CPA6: variants seen among roughly 807,000 people sequenced by gnomAD.
CPA6 encodes carboxypeptidase A6.
CPA6 carries 58 observed loss-of-function variants against 63.3 expected under a neutral mutation model. The ratio of observed to expected loss-of-function variants is 0.92; its 90% CI spans 0.74 to 1.14. The LOEUF (loss-of-function observed/expected upper bound fraction) is 1.14, where lower values mean the gene tolerates loss of function less well. Ranked by LOEUF, CPA6 falls within the 50% of genes most tolerant of loss-of-function variation. The pLI, the probability that CPA6 is intolerant of heterozygous loss-of-function variation, is 0.00. For synonymous variants in CPA6, 185 were observed against 179.0 expected, an observed-to-expected ratio of 1.03 and a Z score of -0.27; for missense variants, 565 against 526.6, an observed-to-expected ratio of 1.07 and a Z score of -0.71.
rs80256215 is a variant in CPA6 at position 67,453,474 on chromosome 8, T to A, written c.839-19234A>T. 5.7e-3 allele frequency among the ~76,000 whole-genome samples: 868 copies of A among 152,268 alleles called. 8 individuals carry two copies. The highest frequency in any genetic ancestry group is 0.02 in the African/African-American group (815 of 41,546). On this transcript the variant is annotated intron_variant, in intron 8 of 10. Transcript: ENST00000297770. ...ATTTTGAGTTGAGATGTCTATTAGA[T>A]ACCCCCAGTGAAGATGCTAATAGAT...
chr8:67,600,714 T>G (rs183916634), intron 2 of CPA6, among the ~76,000 whole-genome samples: 1 of 152,292 alleles, frequency 6.6e-6, no homozygotes, highest in Non-Finnish European at 1.5e-5. Flanking sequence ...AGGGTACAAG[T>G]GAGAGGCAGT....
At position 67,704,573 on chromosome 8, in the gene CPA6, T is replaced by C. The variant is rs528319440; in HGVS notation, c.116+41441A>G. ...GGACAGATTACCATTAGAACAGAGA[T>C]GAAGGCAAGGTTAGGGGTACCTGGT... On this transcript the variant is annotated intron_variant, in intron 1 of 10. Transcript: ENST00000297770. Among the ~76,000 whole-genome samples, 5 of 152,248 alleles carry C rather than the reference T, an allele frequency of 3.3e-5. No homozygotes were observed. The East Asian group carries it at 9.7e-4, about 29-fold the overall frequency.
At chr8:67,615,054 T>TA (rs1814910091) in intron 2 of CPA6, among the ~76,000 whole-genome samples, 1 of 152,222 alleles carries the variant, frequency 6.6e-6, no homozygotes, top group Non-Finnish European at 1.5e-5. Context: ...TACTCGTTTA[T>TA]AAGGTTGTGC....
chr8:67,524,466 G>C (rs922989291), intron 2 of CPA6, among the ~76,000 whole-genome samples: 3 of 152,108 alleles, frequency 2.0e-5, no homozygotes, highest in African/African-American at 4.8e-5. Flanking sequence ...TCTAGCTTCT[G>C]GTGGCTCTAG....
At chr8:67,505,279 G>A (rs181069842) in intron 6 of CPA6, among the ~76,000 whole-genome samples, 148 of 152,328 alleles carry the variant, frequency 9.7e-4, no homozygotes, top group African/African-American at 3.4e-3. Context: ...TGTTCTACAT[G>A]TTGGGATTTA....
intron 2 of CPA6, among the ~76,000 whole-genome samples, chr8:67,602,535 C>T (rs1814522273): frequency 6.6e-6 from 1 of 152,086 alleles, no homozygotes; most frequent in South Asian, 2.1e-4. Context: ...GAATGAAGCA[C>T]CCTAAATGTT....
intron 1 of CPA6, among the ~76,000 whole-genome samples, chr8:67,672,522 C>A (rs750742644): frequency 2.0e-5 from 3 of 152,156 alleles, no homozygotes; most frequent in Non-Finnish European, 4.4e-5. Flanking sequence ...ATCATCGAGT[C>A]CTTTTACTCC....
At chr8:67,611,440 C>T (rs902610725) in intron 2 of CPA6, among the ~76,000 whole-genome samples, 3 of 152,112 alleles carry the variant, frequency 2.0e-5, no homozygotes, top group African/African-American at 4.8e-5. Context: ...TTAGGGACAA[C>T]GAGAACCTTA....
chr8:67,595,898 C>T lies in CPA6; in HGVS notation c.192+28278G>A, dbSNP rs544970906. Among the ~76,000 whole-genome samples, 7 of 152,300 alleles carry T rather than the reference C, an allele frequency of 4.6e-5. No homozygotes were observed. In the South Asian group the frequency reaches 1.0e-3, roughly 23 times the overall value. On this transcript the variant is annotated intron_variant, in intron 2 of 10. Transcript: ENST00000297770. The stretch of plus-strand genomic sequence containing the variant: ...ACAGTGTGCTGCACCCACTGTCCTG[C>T]GCCCACTGTCTGGCACTCCCCAGTG...
intron 1 of CPA6, among the ~76,000 whole-genome samples, chr8:67,736,938 C>T (rs1817823589): frequency 1.3e-5 from 2 of 152,104 alleles, no homozygotes; most frequent in East Asian, 1.9e-4. Flanking sequence ...TAGTTGGTTC[C>T]CTCTTTTTTC....
chr8:67,430,544 G>A (rs1406815252), intron 9 of CPA6, among the ~76,000 whole-genome samples: 1 of 152,138 alleles, frequency 6.6e-6, no homozygotes, highest in Non-Finnish European at 1.5e-5. Context: ...TTGATGGAAT[G>A]TTTTTAAACA....
At chr8:67,565,554 A>G (rs547497504) in intron 2 of CPA6, among the ~76,000 whole-genome samples, 1 of 152,190 alleles carries the variant, frequency 6.6e-6, no homozygotes, top group Non-Finnish European at 1.5e-5. Context: ...GACACAGAAC[A>G]ACAGAGCAGG....
At chr8:67,677,884 A>G (rs1816510853) in intron 1 of CPA6, among the ~76,000 whole-genome samples, 2 of 152,120 alleles carry the variant, frequency 1.3e-5, no homozygotes, top group Admixed American at 1.3e-4. Flanking sequence ...GCTTAAAAAA[A>G]AAAAAGAATA....
At chr8:67,736,411 CAT>C (rs1817813245) in intron 1 of CPA6, among the ~76,000 whole-genome samples, 2 of 152,306 alleles carry the variant, frequency 1.3e-5, no homozygotes, top group South Asian at 4.2e-4. Context: ...CTCTAGTTTC[CAT>C]TCACCACTCC....
At chr8:67,697,538 G>A (rs961511574) in intron 1 of CPA6, among the ~76,000 whole-genome samples, 3 of 152,134 alleles carry the variant, frequency 2.0e-5, no homozygotes, top group African/African-American at 7.2e-5. Context: ...TGCTATAAAG[G>A]ACCTGTGCCT....
At chr8:67,654,831 CA>C (rs1815944580) in intron 1 of CPA6, among the ~76,000 whole-genome samples, 1 of 152,146 alleles carries the variant, frequency 6.6e-6, no homozygotes, top group South Asian at 2.1e-4. Context: ...TACACTGCCC[CA>C]GGCCTCAAGG....
At chr8:67,654,364 C>T (rs554030489) in intron 1 of CPA6, among the ~76,000 whole-genome samples, 18 of 152,226 alleles carry the variant, frequency 1.2e-4, no homozygotes, top group East Asian at 3.9e-4. Context: ...GCTGTGAATC[C>T]GTCTGGTCCT....
chr8:67,492,590 A>G (rs771640439), intron 6 of CPA6, among the ~76,000 whole-genome samples: 1 of 152,210 alleles, frequency 6.6e-6, no homozygotes, highest in Non-Finnish European at 1.5e-5. Context: ...TACATGTATA[A>G]CAAAGTAAGA....
chr8:67,471,661 T>A (rs1811061779), intron 8 of CPA6, among the ~76,000 whole-genome samples: 1 of 152,128 alleles, frequency 6.6e-6, no homozygotes, highest in Non-Finnish European at 1.5e-5. Context: ...TCAGCATACC[T>A]CAGCGTTTCA....
Sources: gnomAD v4.1 joint callset for allele counts (sites outside exome capture counted in the v4.1 genomes callset) on GRCh38, gnomAD v4.1.1 for gene constraint, MANE v1.5 for transcripts, NCBI Gene and HGNC (gene_info 2026-07-23, HGNC 2026-07-21) for gene names.